IQCM: variants seen among roughly 807,000 people sequenced by gnomAD.
The protein encoded by IQCM is IQ domain-containing protein M.
Under a neutral mutation model 57.6 loss-of-function variants are expected in IQCM, and 45 were observed. The ratio of observed to expected loss-of-function variants is 0.78; its 90% confidence interval spans 0.62 to 1.00. The LOEUF (loss-of-function observed/expected upper bound fraction) is 1.00. Ranked by LOEUF, IQCM falls within the 50% of genes least tolerant of loss-of-function variation. The probability of loss-of-function intolerance (pLI) is 0.00; values close to 1 mark genes in which losing one functional copy is unlikely to be tolerated. For synonymous variants in IQCM, 148 were observed against 158.9 expected (o/e 0.93, Z 0.51); for missense variants, 468 against 511.6 (o/e 0.91, Z 0.82).
At chr4:149,362,812 C>T (rs1256188010) in intron 13 of IQCM, among the ~76,000 whole-genome samples, 1 of 152,184 alleles carries the variant, frequency 6.6e-6, no homozygotes. Context: ...ACATCCAGAA[C>T]ACTGGCAGAA....
intron 2 of IQCM, among the ~76,000 whole-genome samples, chr4:149,755,571 G>A (rs1444727146): frequency 6.6e-6 from 1 of 152,052 alleles, no homozygotes; most frequent in African/African-American, 2.4e-5. Flanking sequence ...TTCTCCATGA[G>A]GCCTTCACCA....
intron 7 of IQCM, among the ~76,000 whole-genome samples, chr4:149,674,879 A>T (rs971351610): frequency 6.6e-6 from 1 of 152,064 alleles, no homozygotes; most frequent in Admixed American, 6.6e-5. Flanking sequence ...GAAGAAATTA[A>T]AAACTTGATA....
chr4:149,694,564 A>G (rs1763197024), intron 5 of IQCM, among the ~76,000 whole-genome samples: 1 of 152,084 alleles, frequency 6.6e-6, no homozygotes, highest in Non-Finnish European at 1.5e-5. Flanking sequence ...ACACACAAAA[A>G]ACAGCATCTC....
At chr4:149,724,248 T>C (rs915258266) in intron 5 of IQCM, among the ~76,000 whole-genome samples, 2 of 152,008 alleles carry the variant, frequency 1.3e-5, no homozygotes, top group Admixed American at 6.6e-5. Context: ...ATAAATTAGG[T>C]TTCATAAACA....
chr4:149,593,717 T>A (rs902029106), intron 8 of IQCM, among the ~76,000 whole-genome samples: 8 of 152,142 alleles, frequency 5.3e-5, no homozygotes, highest in African/African-American at 1.7e-4. Context: ...GAGATCATCA[T>A]GTGGTTTTTG....
intron 3 of IQCM, among the ~76,000 whole-genome samples, chr4:149,741,327 C>CAGGT (rs1767437344): frequency 6.6e-6 from 1 of 152,112 alleles, no homozygotes; most frequent in Non-Finnish European, 1.5e-5. Flanking sequence ...ATACCTCAGA[C>CAGGT]ATATCTTACA....
chr4:149,516,871 G>A (rs997720435), intron 12 of IQCM, among the ~76,000 whole-genome samples: 1 of 152,008 alleles, frequency 6.6e-6, no homozygotes, highest in Non-Finnish European at 1.5e-5. Flanking sequence ...TAAGTCAACA[G>A]GCTAAGAAGG....
chr4:149,449,799 T>G (rs1196843311), intron 12 of IQCM, among the ~76,000 whole-genome samples: 1 of 151,712 alleles, frequency 6.6e-6, no homozygotes, highest in Non-Finnish European at 1.5e-5. Context: ...ATCTACAGAT[T>G]TCAATGCAAT....
At chr4:149,758,116 A>G (rs1055714748) in intron 2 of IQCM, among the ~76,000 whole-genome samples, 1 of 152,204 alleles carries the variant, frequency 6.6e-6, no homozygotes, top group Non-Finnish European at 1.5e-5. Flanking sequence ...AATAGTCTAC[A>G]TAAATATAGT....
At chr4:149,611,458 TAAAG>T (rs1441254246) in intron 8 of IQCM, among the ~76,000 whole-genome samples, 2 of 151,908 alleles carry the variant, frequency 1.3e-5, no homozygotes, top group Non-Finnish European at 2.9e-5. Context: ...AATGAATGAA[TAAAG>T]AAAGTATGGT....
intron 12 of IQCM, among the ~76,000 whole-genome samples, chr4:149,464,735 T>C (rs1738665528): frequency 1.3e-5 from 2 of 152,310 alleles, no homozygotes; most frequent in Admixed American, 6.5e-5. Flanking sequence ...TGTGGAATGA[T>C]GGAAATGTTC....
At chr4:149,591,699 G>T (rs536177626) in intron 8 of IQCM, among the ~76,000 whole-genome samples, 3 of 152,004 alleles carry the variant, frequency 2.0e-5, no homozygotes, top group Non-Finnish European at 4.4e-5. Context: ...ACAAACATGC[G>T]GTGTTTGGTT....
intron 10 of IQCM, among the ~76,000 whole-genome samples, chr4:149,554,636 AT>A (rs1343331435): frequency 6.7e-6 from 1 of 149,580 alleles, no homozygotes; most frequent in Admixed American, 6.7e-5. Flanking sequence ...ATTCTACAAG[AT>A]TTTTTGTTTG....
chr4:149,724,217 T>C (rs1765694219), intron 5 of IQCM, among the ~76,000 whole-genome samples: 2 of 152,130 alleles, frequency 1.3e-5, no homozygotes, highest in South Asian at 4.1e-4. Flanking sequence ...GGAATGATCA[T>C]ATACCTGAAA....
chr4:149,665,458 C>G (rs1243146214), intron 7 of IQCM, among the ~76,000 whole-genome samples: 1 of 152,294 alleles, frequency 6.6e-6, no homozygotes, highest in Middle Eastern at 3.4e-3. Flanking sequence ...ACTCACTCAC[C>G]TTTCTATGGT....
intron 12 of IQCM, among the ~76,000 whole-genome samples, chr4:149,480,720 A>G (rs1189172947): frequency 6.6e-6 from 1 of 152,214 alleles, no homozygotes; most frequent in African/African-American, 2.4e-5. Context: ...TTCAATAAAC[A>G]TGGGAGTGCA....
intron 7 of IQCM, 34 bp downstream of exon 7, chr4:149,682,084 T>C (rs552789387): frequency 3.7e-6 from 3 of 811,220 alleles, no homozygotes; most frequent in African/African-American, 1.8e-5. Context: ...TGAAAATCAA[T>C]GTGCTGCTAC....
chr4:149,716,237 T>G (rs1457731127), intron 5 of IQCM, among the ~76,000 whole-genome samples: 1 of 152,180 alleles, frequency 6.6e-6, no homozygotes, highest in Non-Finnish European at 1.5e-5. Flanking sequence ...CTCCGTCCCA[T>G]GCTTGTTGGT....
chr4:149,780,521 A>G (rs918831673), intron 2 of IQCM, among the ~76,000 whole-genome samples: 2 of 148,250 alleles, frequency 1.3e-5, no homozygotes, highest in African/African-American at 4.9e-5. Context: ...GTAACTTTAA[A>G]ATATGTAAGT....
Sources: allele counts gnomAD v4.1 joint callset (sites outside exome capture counted in the v4.1 genomes callset), GRCh38; gene constraint gnomAD v4.1.1; transcripts MANE v1.5; gene names NCBI Gene and HGNC (gene_info 2026-07-23, HGNC 2026-07-21).